The following VAMP4 variants were observed in gnomAD, a reference collection of about 807,000 sequenced individuals.
VAMP4 encodes the protein vesicle associated membrane protein 4.
In VAMP4, 19 loss-of-function variants were observed where a neutral mutation model predicts 23.5. The observed-to-expected ratio is 0.81, with a 90% CI of 0.56 to 1.19. VAMP4 has a LOEUF of 1.19. VAMP4 is among the 50% of genes most tolerant of loss of function. The pLI is 0.00. For synonymous variants in VAMP4, 31 were observed against 51.0 expected, an observed-to-expected ratio of 0.61 and a Z score of 1.67; for missense variants, 145 against 168.6, an observed-to-expected ratio of 0.86 and a Z score of 0.78.
At chr1:171,726,735 AG>A (rs1291183498) in intron 3 of VAMP4, among the ~76,000 whole-genome samples, 1 of 152,346 alleles carries the variant, frequency 6.6e-6, no homozygotes, top group Non-Finnish European at 1.5e-5. Flanking sequence ...TAAAAATCTT[AG>A]TGACCTTGAG....
intron 5 of VAMP4, 91 bp downstream of exon 5, chr1:171,710,622 TA>T: frequency 2.0e-6 from 2 of 977,672 alleles, no homozygotes; most frequent in Non-Finnish European, 3.1e-6. Context: ...GCCAATTTCC[TA>T]AGCCAAGATT....
chr1:171,711,423 A>G (rs1352790020), intron 4 of VAMP4, among the ~76,000 whole-genome samples: 1 of 152,096 alleles, frequency 6.6e-6, no homozygotes, highest in Non-Finnish European at 1.5e-5. Flanking sequence ...GACACCTGGG[A>G]ATATTTTGAA....
chr1:171,725,841 C>A (rs561976894), intron 3 of VAMP4, among the ~76,000 whole-genome samples: 1 of 152,036 alleles, frequency 6.6e-6, no homozygotes, highest in African/African-American at 2.4e-5. Context: ...CAGGTGCACA[C>A]CACCAGGACT....
At chr1:171,716,128 A>G (rs1655016877) in intron 4 of VAMP4, among the ~76,000 whole-genome samples, 1 of 152,190 alleles carries the variant, frequency 6.6e-6, no homozygotes, top group Non-Finnish European at 1.5e-5. Flanking sequence ...TTTTGCAACT[A>G]CATATATATT....
chr1:171,719,299 A>G, intron 3 of VAMP4, 78 bp from the exon 4 acceptor site: 1 of 1,200,700 alleles, frequency 8.3e-7, no homozygotes, highest in Non-Finnish European at 1.2e-6. Context: ...GAAAGTATAC[A>G]CAAATACAAA....
intron 2 of VAMP4, among the ~76,000 whole-genome samples, chr1:171,737,014 C>G (rs138575034): frequency 6.6e-6 from 1 of 152,010 alleles, no homozygotes; most frequent in Non-Finnish European, 1.5e-5. Flanking sequence ...CACACAAAAC[C>G]GCAAAAGCTG....
Position 171,702,159 on chromosome 1 carries a change from C to T in VAMP4, c.*2347G>A, listed in dbSNP as rs1654473375. On this transcript the variant is annotated 3_prime_UTR_variant, in exon 8 of 8. Coordinates refer to ENST00000236192, the MANE Select transcript of VAMP4 (RefSeq NM_003762.5). ...ATCAGTTTGAACAATATATTTTTTTCTTCTGTTTTTGATCGTAAGAGGGCT... is the reference window on the plus strand; with the variant it reads ...ATCAGTTTGAACAATATATTTTTTTTTTCTGTTTTTGATCGTAAGAGGGCT... The T allele has an allele frequency of 6.6e-6, 1 of 151,928 alleles. No individual in the cohort carries two copies. The highest frequency in any genetic ancestry group is 6.6e-5 in the Admixed American group (1 of 15,234). The allele number at this position is 151,928 out of a possible 1,614,324, so 9.4% of individuals were successfully genotyped here.
intron 7 of VAMP4, among the ~76,000 whole-genome samples, chr1:171,705,420 G>A (rs770314439): frequency 2.0e-5 from 3 of 152,106 alleles, no homozygotes; most frequent in African/African-American, 7.2e-5. Context: ...AGAAAATGTG[G>A]TACTAAATAG....
intron 4 of VAMP4, among the ~76,000 whole-genome samples, chr1:171,714,036 TTGC>T (rs1654947247): frequency 6.6e-6 from 1 of 152,218 alleles, no homozygotes. Flanking sequence ...TAGTGAGTTA[TTGC>T]TGCTTTGTCC....
intron 2 of VAMP4, among the ~76,000 whole-genome samples, chr1:171,736,424 T>C (rs1362546228): frequency 6.6e-6 from 1 of 152,142 alleles, no homozygotes; most frequent in Non-Finnish European, 1.5e-5. Flanking sequence ...ATTCCTTGCA[T>C]GGGGAACTAG....
chr1:171,726,602 T>C (rs774606043), intron 3 of VAMP4, among the ~76,000 whole-genome samples: 3 of 152,136 alleles, frequency 2.0e-5, no homozygotes, highest in Non-Finnish European at 2.9e-5. Context: ...AATGAAACAG[T>C]TGGATGGCCA....
chr1:171,738,325 T>C (rs1454175575), intron 2 of VAMP4, 24 bp downstream of exon 2: 8 of 1,609,450 alleles, frequency 5.0e-6, no homozygotes, highest in Non-Finnish European at 6.8e-6. Flanking sequence ...CTTTTGTTTT[T>C]AAAGCTTAAG....
intron 4 of VAMP4, among the ~76,000 whole-genome samples, chr1:171,714,511 G>A (rs986941706): frequency 6.6e-6 from 1 of 152,078 alleles, no homozygotes; most frequent in Admixed American, 6.6e-5. Flanking sequence ...GTGGCTCAGG[G>A]CTGTAATCCC....
At chr1:171,712,341 T>C (rs1654875854) in intron 4 of VAMP4, among the ~76,000 whole-genome samples, 1 of 152,142 alleles carries the variant, frequency 6.6e-6, no homozygotes, top group African/African-American at 2.4e-5. Context: ...TCATGTTTAA[T>C]TTTGAAAGAG....
intron 4 of VAMP4, among the ~76,000 whole-genome samples, chr1:171,714,054 C>T (rs999685): frequency 0.35 from 53,206 of 151,986 alleles, 9,749 homozygotes; most frequent in African/African-American, 0.47. Flanking sequence ...TTGTCCTTCA[C>T]ACATTAATTA....
chr1:171,719,423 T>C (rs1429703514), intron 3 of VAMP4, among the ~76,000 whole-genome samples: 2 of 152,114 alleles, frequency 1.3e-5, no homozygotes, highest in South Asian at 2.1e-4. Flanking sequence ...TTGGCACTTA[T>C]TACTAGCCAC....
At chr1:171,710,870 T>G in intron 4 of VAMP4, 56 bp from the exon 5 acceptor site, 5 of 1,315,568 alleles carry the variant, frequency 3.8e-6, no homozygotes. Context: ...GCTTACAATT[T>G]TTAAAACTTT....
chr1:171,712,625 G>A (rs1442008561), intron 4 of VAMP4, among the ~76,000 whole-genome samples: 2 of 152,172 alleles, frequency 1.3e-5, no homozygotes, highest in African/African-American at 4.8e-5. Flanking sequence ...GCTCAACAAA[G>A]TTGGGCATGC....
At chr1:171,731,334 T>C (rs1484196659) in intron 2 of VAMP4, among the ~76,000 whole-genome samples, 1 of 152,040 alleles carries the variant, frequency 6.6e-6, no homozygotes, top group Non-Finnish European at 1.5e-5. Context: ...AGTTAATGGG[T>C]GCAGCACACC....
Sources: gnomAD v4.1 joint callset for allele counts (sites outside exome capture counted in the v4.1 genomes callset) on GRCh38, gnomAD v4.1.1 for gene constraint, MANE v1.5 for transcripts, NCBI Gene and HGNC (gene_info 2026-07-23, HGNC 2026-07-21) for gene names.